The following DPP6 variants were observed in gnomAD, a reference collection of about 807,000 sequenced individuals.
DPP6 encodes dipeptidyl peptidase like 6.
In DPP6, 69 loss-of-function variants were observed where a neutral mutation model predicts 122.6. The observed-to-expected ratio is 0.56, with a 90% CI of 0.46 to 0.69. The LOEUF (loss-of-function observed/expected upper bound fraction) is 0.69, where lower values mean the gene tolerates loss of function less well. Ranked by LOEUF, DPP6 falls within the 30% of genes least tolerant of loss-of-function variation. The pLI, the probability that DPP6 is intolerant of heterozygous loss-of-function variation, is 0.00. For missense variants in DPP6, 928 were observed against 1,116.9 expected, an observed-to-expected ratio of 0.83 and a Z score of 2.41; for synonymous variants, 418 against 433.1, an observed-to-expected ratio of 0.97 and a Z score of 0.43.
chr7:154,237,818 C>T (rs1355225136), intron 1 of DPP6, among the ~76,000 whole-genome samples: 1 of 152,198 alleles, frequency 6.6e-6, no homozygotes, highest in East Asian at 1.9e-4. Flanking sequence ...CTCAGTACAT[C>T]TTGAAATAAT....
chr7:153,754,831 T>C, the DPP6 span, among the ~76,000 whole-genome samples: 3 of 152,166 alleles, frequency 2.0e-5, no homozygotes, highest in African/African-American at 7.2e-5. Flanking sequence ...GCTCCGGATA[T>C]TGCATTTTCA....
At chr7:154,026,263 A>G (rs1798951533) in intron 1 of DPP6, 1 of 152,126 alleles carries the variant, frequency 6.6e-6, no homozygotes, top group Non-Finnish European at 1.5e-5. Flanking sequence ...CTCCACTAGC[A>G]AAGAACACCT....
chr7:154,191,727 C>G (rs1362604936), intron 1 of DPP6, among the ~76,000 whole-genome samples: 1 of 152,178 alleles, frequency 6.6e-6, no homozygotes, highest in Non-Finnish European at 1.5e-5. Context: ...ACCAGGCTGC[C>G]TCATTACTGA....
the DPP6 span, among the ~76,000 whole-genome samples, chr7:153,753,421 A>G: frequency 2.6e-5 from 4 of 152,108 alleles, no homozygotes; most frequent in Admixed American, 6.6e-5. Flanking sequence ...TAGGATCAAT[A>G]TAACAGATTC....
At chr7:154,800,952 G>A (rs1268416311) in intron 12 of DPP6, among the ~76,000 whole-genome samples, 1 of 152,080 alleles carries the variant, frequency 6.6e-6, no homozygotes, top group East Asian at 1.9e-4. Flanking sequence ...AATGCCACTG[G>A]AGAAATCTCA....
chr7:154,016,399 A>ATTT (rs201285127), intron 1 of DPP6, among the ~76,000 whole-genome samples: 2 of 144,258 alleles, frequency 1.4e-5, no homozygotes, highest in African/African-American at 5.1e-5. Context: ...AAGTAGGTTT[A>ATTT]TTTTTTTTTT....
Position 154,203,913 on chromosome 7 carries a change from A to C in DPP6, c.243+150850A>C, listed in dbSNP as rs114126351. ...ATCTATTTTTGTGTGTTTTTGTGAA[A>C]ATGACATATTATAGAGAAAGAGTCT... On this transcript the variant is annotated intron_variant, in intron 1 of 25. Transcript: ENST00000377770. Among the ~76,000 whole-genome samples the C allele has an allele frequency of 4.3e-3, 650 of 152,330 alleles. 6 individuals are homozygous for C. The highest frequency in any genetic ancestry group is 0.015 in the African/African-American group (623 of 41,560).
chr7:154,243,394 G>C (rs1563360367), intron 1 of DPP6, among the ~76,000 whole-genome samples: 2 of 152,184 alleles, frequency 1.3e-5, no homozygotes, highest in South Asian at 2.1e-4. Context: ...GGAAAACATG[G>C]TCATAATGAG....
chr7:154,053,795 A>G (rs1800596005), intron 1 of DPP6, among the ~76,000 whole-genome samples: 1 of 149,592 alleles, frequency 6.7e-6, no homozygotes, highest in Admixed American at 6.7e-5. Context: ...CTCCGAGAGC[A>G]CATTTCCTAC....
chr7:153,780,094 T>G, the DPP6 span, among the ~76,000 whole-genome samples: 1 of 151,662 alleles, frequency 6.6e-6, no homozygotes, highest in Non-Finnish European at 1.5e-5. Flanking sequence ...TAAAATTGGT[T>G]ATAATTTAAA....
chr7:154,772,771 A>G (rs1029570475), intron 9 of DPP6, 74 bp from the exon 10 acceptor site: 78 of 1,558,854 alleles, frequency 5.0e-5, no homozygotes, highest in Non-Finnish European at 6.5e-5. Context: ...TCTCCCAGGA[A>G]AGGCTTTGCA....
At chr7:153,950,780 C>T (rs548017488) in intron 1 of DPP6, among the ~76,000 whole-genome samples, 7 of 152,162 alleles carry the variant, frequency 4.6e-5, no homozygotes, top group Non-Finnish European at 7.3e-5. Context: ...GAGATGCAGA[C>T]ATGGACATGT....
In DPP6 at chr7:154,484,959, TG is replaced by T. The variant is rs1236345384; in HGVS notation, c.457+9925del. On this transcript the variant is annotated intron_variant, in intron 3 of 25. Transcript: ENST00000377770. ...TCTTTTGTTATGCTGAAAAAACAGA[TG>T]GGTTTTTTTTTTAAATAAAGCTTAT... 7.5e-5 allele frequency among the ~76,000 whole-genome samples: 10 copies of T among 132,560 alleles called. No individual in the cohort carries two copies. The South Asian group carries it at 1.9e-3, about 26-fold the overall frequency. The allele number at this position is 132,560 out of a possible 152,430, so 87.0% of individuals were successfully genotyped here. A position where few individuals can be genotyped will look rare whatever the true frequency, so the allele number is the denominator to read the frequency against.
Position 154,760,437 on chromosome 7 carries a change from C to T in DPP6, c.884-8980C>T, listed in dbSNP as rs1367981534. Among the ~76,000 whole-genome samples, 2 of 152,106 alleles carry T rather than the reference C, an allele frequency of 1.3e-5. No individual in the cohort carries two copies. The highest frequency in any genetic ancestry group is 2.9e-5 in the Non-Finnish European group (2 of 68,022). ...CCAACTTGGTTCTGACAGACTTCAG[C>T]CAGTTCTCTTATCTCGGGGCGGAGG... On this transcript the variant is annotated intron_variant, in intron 8 of 25. Transcript: ENST00000377770. The surrounding 1 kb of genome is among the most constrained non-coding windows in gnomAD (Gnocchi z 4.5).
At chr7:154,831,624 G>C (rs1249699499) in intron 16 of DPP6, among the ~76,000 whole-genome samples, 2 of 152,090 alleles carry the variant, frequency 1.3e-5, no homozygotes, top group African/African-American at 2.4e-5. Flanking sequence ...AAAATCTCTT[G>C]AAATCAGACT....
Position 154,101,419 on chromosome 7 carries a change from CTTCT to C in DPP6, c.243+48364_243+48367del, listed in dbSNP as rs1332560952. On this transcript the variant is annotated intron_variant, in intron 1 of 25. Transcript: ENST00000377770. ...CTCCTCTCCCTTTCTTCTTTCTTTC[CTTCT>C]TTCTTTCAGCACACATCAGTACAAT... is the stretch of plus-strand genomic sequence containing the variant. 3.3e-5 allele frequency among the ~76,000 whole-genome samples: 5 copies of C among 149,850 alleles called. No homozygotes were observed. The East Asian group carries it at 1.0e-3, about 31-fold the overall frequency.
In DPP6 at chr7:154,727,636, C is replaced by G. The variant is rs1006335837; in HGVS notation, c.763-131C>G. 2.4e-6 allele frequency: 3 copies of G among 1,247,806 alleles called. No homozygotes were observed. The African/African-American group carries it at 4.6e-5, about 19-fold the overall frequency. The allele number at this position is 1,247,806 out of a possible 1,614,324, so 77.3% of individuals were successfully genotyped here. On this transcript the variant is annotated intron_variant, in intron 7 of 25. Coordinates refer to ENST00000377770, the MANE Select transcript of DPP6 (RefSeq NM_130797.4). ...GGGTAGACCTCCAAGAATTTTGAGA[C>G]TGCCTTTGTTCTGTCTAATAAATAC...
At chr7:154,634,098 G>T (rs1835573843) in intron 5 of DPP6, among the ~76,000 whole-genome samples, 1 of 148,694 alleles carries the variant, frequency 6.7e-6, no homozygotes, top group Non-Finnish European at 1.5e-5. Context: ...TGCCATGTTG[G>T]TGTGCTGCAC....
intron 1 of DPP6, among the ~76,000 whole-genome samples, chr7:153,997,330 G>T: frequency 6.6e-6 from 1 of 152,114 alleles, no homozygotes; most frequent in Non-Finnish European, 1.5e-5. Flanking sequence ...CTGAGCCAAG[G>T]TCAAGCTGGG....
Sources: allele counts gnomAD v4.1 joint callset (sites outside exome capture counted in the v4.1 genomes callset), GRCh38; gene constraint gnomAD v4.1.1; non-coding constraint Gnocchi (gnomAD v3.1); transcripts MANE v1.5; gene names NCBI Gene and HGNC (gene_info 2026-07-23, HGNC 2026-07-21).